The following WDR47 variants were observed in gnomAD, a reference collection of about 807,000 sequenced individuals.
WDR47 encodes the protein WD repeat-containing protein 47.
WDR47 carries 32 observed loss-of-function variants against 97.2 expected under a neutral mutation model. That is an observed-to-expected ratio of 0.33 (90% CI 0.25 to 0.44). WDR47 has a LOEUF of 0.44. Among genes scored for constraint, WDR47 ranks in the 20% least tolerant of loss-of-function variants. WDR47 has a pLI of 1.00. For synonymous variants in WDR47, 375 were observed against 373.5 expected (o/e 1.00, Z -0.05); for missense variants, 782 against 1,102.3 (o/e 0.71, Z 4.11).
In WDR47 at chr1:108,992,918, A is replaced by G. The variant is rs1659473092; in HGVS notation, c.1692-1589T>C. On this transcript the variant is annotated intron_variant, in intron 8 of 14. Coordinates refer to ENST00000369962, the MANE Select transcript of WDR47 (RefSeq NM_001142551.2). Reference sequence around the variant, plus strand: ...ATAGAGGTGAGGAAATTGCTAAATAATATTTTTTTAATTTCCTAGAACTTA... The same window carrying G: ...ATAGAGGTGAGGAAATTGCTAAATAGTATTTTTTTAATTTCCTAGAACTTA... The G allele has an allele frequency of 4.0e-6, 4 of 1,002,482 alleles. No homozygotes were observed. The South Asian group carries it at 4.3e-5, about 11-fold the overall frequency. The allele number at this position is 1,002,482 out of a possible 1,614,324, so 62.1% of individuals were successfully genotyped here. A position where few individuals can be genotyped will look rare whatever the true frequency, so the allele number is the denominator to read the frequency against.
intron 7 of WDR47, among the ~76,000 whole-genome samples, chr1:108,997,294 T>G (rs1209970804): frequency 6.7e-6 from 1 of 149,156 alleles, no homozygotes; most frequent in Non-Finnish European, 1.5e-5. Flanking sequence ...AAAGAAAAAC[T>G]TAGCCAGACA....
chr1:109,021,621 T>C (rs917951090), intron 2 of WDR47, among the ~76,000 whole-genome samples: 1 of 151,758 alleles, frequency 6.6e-6, no homozygotes, highest in African/African-American at 2.4e-5. Flanking sequence ...AGGGGAGCCA[T>C]TAGGAAATTA....
intron 13 of WDR47, among the ~76,000 whole-genome samples, chr1:108,977,840 T>TG (rs1658036593): frequency 6.6e-6 from 1 of 151,912 alleles, no homozygotes; most frequent in African/African-American, 2.4e-5. Flanking sequence ...AAAAACGAGC[T>TG]GGGCGTGGTG....
At chr1:108,982,871 A>T (rs1658454871) in intron 11 of WDR47, 92 bp from the exon 12 acceptor site, 1 of 1,340,874 alleles carries the variant, frequency 7.5e-7, no homozygotes, top group South Asian at 1.5e-5. Flanking sequence ...CTGGTCAAGA[A>T]TAATGGTTTA....
chr1:109,010,553 A>T (rs1339257164), intron 5 of WDR47, among the ~76,000 whole-genome samples: 1 of 149,872 alleles, frequency 6.7e-6, no homozygotes, highest in Non-Finnish European at 1.5e-5. Context: ...TAATTAGATT[A>T]TCTCAAACTT....
intron 1 of WDR47, among the ~76,000 whole-genome samples, chr1:109,035,974 T>C (rs972398586): frequency 1.3e-4 from 20 of 152,182 alleles, no homozygotes; most frequent in Admixed American, 9.8e-4. Context: ...TATAGACATA[T>C]GCCAACTTGC....
At chr1:109,016,805 A>T (rs1212665069) in intron 3 of WDR47, among the ~76,000 whole-genome samples, 1 of 151,918 alleles carries the variant, frequency 6.6e-6, no homozygotes, top group Non-Finnish European at 1.5e-5. Context: ...AAAAAACAAA[A>T]AGTGACTCCC....
At chr1:108,982,003 G>C (rs1658380196) in intron 12 of WDR47, 139 bp from the exon 13 acceptor site, 2 of 912,540 alleles carry the variant, frequency 2.2e-6, no homozygotes. Flanking sequence ...CAGGAGGACT[G>C]CTGGAGCCCA....
chr1:109,015,407 C>T (rs375611155), intron 3 of WDR47, among the ~76,000 whole-genome samples: 5 of 152,094 alleles, frequency 3.3e-5, no homozygotes, highest in African/African-American at 1.2e-4. Flanking sequence ...CACTGCAACC[C>T]CTGCCTCCCA....
At chr1:108,990,297 C>T (rs1300870756) in intron 9 of WDR47, among the ~76,000 whole-genome samples, 1 of 152,126 alleles carries the variant, frequency 6.6e-6, no homozygotes, top group Non-Finnish European at 1.5e-5. Context: ...CAACCTCTGC[C>T]TCCTGGGTTA....
At chr1:109,030,898 A>C (rs1339964321) in intron 1 of WDR47, among the ~76,000 whole-genome samples, 2 of 139,434 alleles carry the variant, frequency 1.4e-5, no homozygotes, top group African/African-American at 5.1e-5. Flanking sequence ...GCAAGTCACT[A>C]ACCTCTATGG....
At chr1:109,015,020 C>T (rs1661313528) in intron 3 of WDR47, among the ~76,000 whole-genome samples, 1 of 151,782 alleles carries the variant, frequency 6.6e-6, no homozygotes, top group South Asian at 2.1e-4. Flanking sequence ...AGTATGAAAC[C>T]AATTGTACAA....
rs1661991284 is a variant in WDR47, at chr1:109,023,431, G to A, written c.82C>T (p.His28Tyr). 20 of 1,613,800 alleles carry A rather than the reference G, an allele frequency of 1.2e-5. No homozygotes were observed. Among genetic ancestry groups the A allele is most frequent in the Non-Finnish European group, 1.6e-5 (19 of 1,179,850 alleles). The change falls in exon 2 of 15, where the codon CAC becomes TAC. Residue 28 changes from histidine to tyrosine, a missense_variant. By Grantham distance (83) the His-to-Tyr change is moderately conservative (BLOSUM62 2). Around this residue, in one of 3 missense-constraint regions of WDR47, gnomAD observed 428 missense variants for 584.3 expected, o/e 0.73. Transcript: ENST00000369962. ...TTCTCCAGGGCCAGCATACTAATGT[G>A]AAGCTTCTTTGAATTCAGGAAGTCC... The part of the protein sequence containing the change: ...ILDFLNSKKL[H>Y]ISMLALEKES...
At chr1:109,028,362 G>GTTTTTTTTTTTTTTTTTTT (rs372929187) in intron 1 of WDR47, among the ~76,000 whole-genome samples, 4 of 79,788 alleles carry the variant, frequency 5.0e-5, no homozygotes, top group African/African-American at 1.0e-4. Context: ...TTTTTGTTGG[G>GTTTTTTTTTTTTTTTTTTT]TTTTTTTTTT....
rs1660464514 is a variant in WDR47, at chr1:109,004,731, T to C, written c.1131-16A>G. 3 of 1,568,576 alleles carry C rather than the reference T, an allele frequency of 1.9e-6. No individual in the cohort carries two copies. The highest frequency in any genetic ancestry group is 1.7e-6 in the Non-Finnish European group (2 of 1,161,966). On this transcript the variant is annotated splice_polypyrimidine_tract_variant and intron_variant, in intron 5 of 14. Transcript: ENST00000369962. ...AGGTGTATCACTTCTTCCAGAAACG[T>C]GCAAAAAAACAAAAAGGCAGAGGGG...
chr1:109,012,056 G>T (rs1298080223), intron 4 of WDR47, among the ~76,000 whole-genome samples: 4 of 152,122 alleles, frequency 2.6e-5, no homozygotes, highest in Non-Finnish European at 4.4e-5. Context: ...TTGGGCTCAA[G>T]TGATCCCCAG....
intron 7 of WDR47, among the ~76,000 whole-genome samples, chr1:108,999,120 G>C (rs1235589717): frequency 6.6e-6 from 1 of 151,914 alleles, no homozygotes; most frequent in East Asian, 1.9e-4. Flanking sequence ...CCAGCTACTT[G>C]GGAGGCTGAG....
At chr1:109,030,478 T>C (rs1225894726) in intron 1 of WDR47, among the ~76,000 whole-genome samples, 1 of 151,912 alleles carries the variant, frequency 6.6e-6, no homozygotes, top group Non-Finnish European at 1.5e-5. Context: ...AGGCCAAGAA[T>C]TACTATAAAT....
At chr1:109,016,432 TAA>T (rs1661422106) in intron 3 of WDR47, among the ~76,000 whole-genome samples, 1 of 151,940 alleles carries the variant, frequency 6.6e-6, no homozygotes, top group Non-Finnish European at 1.5e-5. Flanking sequence ...CCAGAGCAGC[TAA>T]AAAATGAGAG....
Sources: gnomAD v4.1 joint callset for allele counts (sites outside exome capture counted in the v4.1 genomes callset) on GRCh38, gnomAD v4.1.1 for gene constraint, gnomAD v4.1.1 regional missense constraint, MANE v1.5 for transcripts, NCBI Gene and HGNC (gene_info 2026-07-23, HGNC 2026-07-21) for gene names.